Variants in IGSF10 observed in about 807,000 individuals in gnomAD.
IGSF10 encodes the protein calvaria mechanical force protein 608.
In IGSF10, 126 loss-of-function variants were observed where a neutral mutation model predicts 128.2. The observed-to-expected ratio is 0.98, with a 90% CI of 0.85 to 1.14. IGSF10 has a LOEUF of 1.14. IGSF10 is among the 50% of genes most tolerant of loss of function. The pLI, the probability that IGSF10 is intolerant of heterozygous loss-of-function variation, is 0.00. For missense variants in IGSF10, 3,295 were observed against 3,149.8 expected (o/e 1.05, Z -1.10); for synonymous variants, 1,185 against 1,146.2 (o/e 1.03, Z -0.68).
the IGSF10 span, among the ~76,000 whole-genome samples, chr3:151,614,473 A>G: frequency 6.6e-6 from 1 of 152,230 alleles, no homozygotes; most frequent in South Asian, 2.1e-4. Context: ...CATATATACC[A>G]TGGGATACTA....
the IGSF10 span, among the ~76,000 whole-genome samples, chr3:151,587,085 G>C: frequency 6.6e-6 from 1 of 152,002 alleles, no homozygotes; most frequent in African/African-American, 2.4e-5. Context: ...AATTTGTTCT[G>C]ACAGTGTGTT....
At chr3:151,606,451 A>C in the IGSF10 span, among the ~76,000 whole-genome samples, 1 of 152,140 alleles carries the variant, frequency 6.6e-6, no homozygotes, top group African/African-American at 2.4e-5. Context: ...GTCTCTCCAG[A>C]ACTCTCCCCA....
At chr3:151,562,298 G>C in the IGSF10 span, among the ~76,000 whole-genome samples, 82 of 152,182 alleles carry the variant, frequency 5.4e-4, no homozygotes, top group African/African-American at 1.6e-3. Context: ...TAAAAAAGGG[G>C]AATATTAATA....
chr3:151,434,904 T>G (rs2108506748), downstream of IGSF10: 1 of 152,310 alleles, frequency 6.6e-6, no homozygotes, highest in Non-Finnish European at 1.5e-5. Context: ...CTTTTTTCTT[T>G]TTTTAGGTGA....
the IGSF10 span, among the ~76,000 whole-genome samples, chr3:151,539,879 C>A: frequency 6.6e-6 from 1 of 151,872 alleles, no homozygotes; most frequent in African/African-American, 2.4e-5. Flanking sequence ...GTCTGTCATT[C>A]GTCTGTCTGT....
the IGSF10 span, among the ~76,000 whole-genome samples, chr3:151,499,436 T>C: frequency 6.6e-6 from 1 of 152,164 alleles, no homozygotes; most frequent in Non-Finnish European, 1.5e-5. Context: ...CTGATTTTCT[T>C]GCCCCACCCA....
At chr3:151,586,448 A>G in the IGSF10 span, among the ~76,000 whole-genome samples, 3 of 152,232 alleles carry the variant, frequency 2.0e-5, no homozygotes, top group African/African-American at 7.2e-5. Flanking sequence ...ACCAAGAAAT[A>G]TCAATGCTTA....
At chr3:151,520,130 A>G in the IGSF10 span, among the ~76,000 whole-genome samples, 1 of 151,710 alleles carries the variant, frequency 6.6e-6, no homozygotes, top group African/African-American at 2.4e-5. Flanking sequence ...CTTACAAAAC[A>G]CACTCTGGTG....
chr3:151,546,180 A>C, the IGSF10 span, among the ~76,000 whole-genome samples: 1 of 152,014 alleles, frequency 6.6e-6, no homozygotes, highest in Non-Finnish European at 1.5e-5. Context: ...CTGGACCATT[A>C]AGCAAAAATC....
chr3:151,560,627 C>G, the IGSF10 span, among the ~76,000 whole-genome samples: 2 of 151,928 alleles, frequency 1.3e-5, no homozygotes, highest in Non-Finnish European at 2.9e-5. Flanking sequence ...TAATTTAATC[C>G]CATTTATAAA....
Position 151,436,687 on chromosome 3 carries a change from T to A in IGSF10, c.*2A>T, listed in dbSNP as rs772658600. ...AGATGTTGTTGACTTTATTATTTCA[T>A]GTCAGATTACTTGAATATACGTTGC... On this transcript the variant is annotated 3_prime_UTR_variant, in exon 8 of 8. Coordinates refer to ENST00000282466, the MANE Select transcript of IGSF10 (RefSeq NM_178822.5). 12 of 1,574,526 alleles carry A rather than the reference T, an allele frequency of 7.6e-6. No individual in the cohort carries two copies. Among genetic ancestry groups the A allele is most frequent in the South Asian group, 3.5e-5 (3 of 85,144 alleles).
the IGSF10 span, among the ~76,000 whole-genome samples, chr3:151,522,425 A>T: frequency 6.6e-5 from 10 of 152,182 alleles, no homozygotes; most frequent in Non-Finnish European, 1.3e-4. Flanking sequence ...CTTGATGAAC[A>T]TCAATGCAAA....
At chr3:151,554,068 C>T in the IGSF10 span, among the ~76,000 whole-genome samples, 2 of 151,862 alleles carry the variant, frequency 1.3e-5, no homozygotes, top group Non-Finnish European at 2.9e-5. Context: ...ATTGCTTAAG[C>T]TCCCAAGTTT....
At chr3:151,568,263 C>T in the IGSF10 span, among the ~76,000 whole-genome samples, 1 of 152,124 alleles carries the variant, frequency 6.6e-6, no homozygotes, top group Non-Finnish European at 1.5e-5. Flanking sequence ...AAAGTCAGTA[C>T]TAATTGTCAC....
chr3:151,446,352 A>G lies in IGSF10; in HGVS notation c.3629T>C (p.Val1210Ala). The change falls in exon 6 of 8, where the codon GTA (valine) becomes GCA (alanine). Residue 1210 changes from valine (V) to alanine (A), a missense_variant. Coordinates refer to ENST00000282466, the MANE Select transcript of IGSF10 (RefSeq NM_178822.5). ...TCTGCCTTTTGGGTTATGGTTATTT[A>G]CAAAGTTCTGTTGCCAGGGAATTTT... The part of the protein sequence containing the change: ...RRKIPWQQNF[V>A]NNHNPKGRLR... The G allele has an allele frequency of 6.2e-7, 1 of 1,613,566 alleles. No homozygotes were observed. The highest frequency in any genetic ancestry group is 2.2e-5 in the East Asian group (1 of 44,854).
the IGSF10 span, among the ~76,000 whole-genome samples, chr3:151,617,000 C>T: frequency 1.3e-5 from 2 of 152,102 alleles, no homozygotes; most frequent in Non-Finnish European, 2.9e-5. Context: ...GCCTTTAGGG[C>T]CCAATGCCTG....
the IGSF10 span, among the ~76,000 whole-genome samples, chr3:151,596,071 T>C: frequency 1.3e-5 from 2 of 152,152 alleles, no homozygotes; most frequent in African/African-American, 2.4e-5. Context: ...AAATCACATA[T>C]ACCTTAAATA....
At chr3:151,456,599 CTT>C (rs1375134649) in intron 4 of IGSF10, among the ~76,000 whole-genome samples, 1 of 152,044 alleles carries the variant, frequency 6.6e-6, no homozygotes, top group African/African-American at 2.4e-5. Flanking sequence ...GTCCTCTTAA[CTT>C]TAAAAAATTG....
At chr3:151,441,761 G>GGCTTT (rs1720858416) in intron 7 of IGSF10, among the ~76,000 whole-genome samples, 5 of 152,262 alleles carry the variant, frequency 3.3e-5, no homozygotes, top group Middle Eastern at 3.4e-3. Flanking sequence ...TAGAAAGCCA[G>GGCTTT]CTATAAAATG....
Sources: allele counts gnomAD v4.1 joint callset (sites outside exome capture counted in the v4.1 genomes callset), GRCh38; gene constraint gnomAD v4.1.1; transcripts MANE v1.5; gene names NCBI Gene and HGNC (gene_info 2026-07-23, HGNC 2026-07-21).